FHIT: variants seen among roughly 807,000 people sequenced by gnomAD.
FHIT encodes the protein bis(5'-adenosyl)-triphosphatase.
FHIT carries 19 observed loss-of-function variants against 17.9 expected under a neutral mutation model. The observed-to-expected ratio is 1.06, with a 90% CI of 0.74 to 1.56. The LOEUF (loss-of-function observed/expected upper bound fraction) is 1.56, where lower values mean the gene tolerates loss of function less well. Among genes scored for constraint, FHIT ranks in the 40% most tolerant of loss-of-function variants. The pLI is 0.00. For synonymous variants in FHIT, 81 were observed against 69.7 expected (o/e 1.16, Z -0.81); for missense variants, 248 against 189.2 (o/e 1.31, Z -1.82).
intron 5 of FHIT, among the ~76,000 whole-genome samples, chr3:60,370,074 G>A (rs888335955): frequency 3.9e-5 from 6 of 152,158 alleles, no homozygotes; most frequent in Admixed American, 2.6e-4. Flanking sequence ...GCCTATGTCC[G>A]AGAGCTTTGA....
At chr3:60,825,611 G>T (rs1702083553) in intron 3 of FHIT, among the ~76,000 whole-genome samples, 1 of 152,040 alleles carries the variant, frequency 6.6e-6, no homozygotes. Context: ...AGGGACATTA[G>T]GTTCTCATAG....
intron 5 of FHIT, among the ~76,000 whole-genome samples, chr3:60,397,096 A>C (rs1185377964): frequency 6.6e-6 from 1 of 152,226 alleles, no homozygotes; most frequent in Non-Finnish European, 1.5e-5. Flanking sequence ...AATGTATTAT[A>C]CAGATAAGCA....
intron 5 of FHIT, among the ~76,000 whole-genome samples, chr3:60,499,977 C>T (rs975874169): frequency 2.0e-5 from 3 of 152,174 alleles, no homozygotes; most frequent in African/African-American, 7.2e-5. Flanking sequence ...TAAACCTCTG[C>T]ACACAAGAAT....
intron 8 of FHIT, among the ~76,000 whole-genome samples, chr3:59,905,000 G>C (rs937833218): frequency 2.0e-5 from 3 of 152,242 alleles, no homozygotes; most frequent in African/African-American, 2.4e-5. Flanking sequence ...TCAGAGGAGA[G>C]CTTACCAAAC....
Position 60,270,768 on chromosome 3 carries a change from G to A in FHIT, c.104-256616C>T, listed in dbSNP as rs528368196. Among the ~76,000 whole-genome samples, 9 of 152,286 alleles carry A rather than the reference G, an allele frequency of 5.9e-5. No homozygotes were observed. The South Asian group carries it at 1.5e-3, about 25-fold the overall frequency. On this transcript the variant is annotated intron_variant, in intron 5 of 9. Coordinates refer to ENST00000492590, the MANE Select transcript of FHIT (RefSeq NM_002012.4). ...TCCAAGTGTGAAAGAGGGATGGGGCGAAGAAGGTAATGGCAAAAAGAGAAA... is the reference window on the plus strand; with the variant it reads ...TCCAAGTGTGAAAGAGGGATGGGGCAAAGAAGGTAATGGCAAAAAGAGAAA...
At chr3:59,823,131 G>A (rs1006075970) in intron 8 of FHIT, among the ~76,000 whole-genome samples, 2 of 152,036 alleles carry the variant, frequency 1.3e-5, no homozygotes, top group African/African-American at 4.8e-5. Flanking sequence ...TTATTTCTTG[G>A]TTCACTATTC....
chr3:61,120,502 T>G (rs7626576), intron 2 of FHIT, among the ~76,000 whole-genome samples: 65,907 of 151,966 alleles, frequency 0.43, 16,007 homozygotes, highest in Non-Finnish European at 0.55. Flanking sequence ...AATCACAGGT[T>G]GGAGTGTACA....
At chr3:60,718,437 C>T (rs969756061) in intron 4 of FHIT, among the ~76,000 whole-genome samples, 1 of 152,152 alleles carries the variant, frequency 6.6e-6, no homozygotes, top group Non-Finnish European at 1.5e-5. Context: ...TTCCAGACAA[C>T]AGGAAAACAT....
Position 60,441,757 on chromosome 3 carries a change from A to AT in FHIT, c.103+95102_103+95103insA, listed in dbSNP as rs1336572305. 0.016 allele frequency among the ~76,000 whole-genome samples: 867 copies of AT among 55,748 alleles called. 86 individuals are homozygous for AT. The East Asian group carries it at 0.16, about 10-fold the overall frequency. 36.6% of individuals were successfully genotyped at this position (55,748 alleles called of 152,430 possible). On this transcript the variant is annotated intron_variant, in intron 5 of 9. Transcript: ENST00000492590. The stretch of plus-strand genomic sequence containing the variant: ...ATATATATATATTTATATATATAAA[A>AT]ATATATATATATTTATATGTATAAA...
At chr3:60,372,441 G>C (rs1700367314) in intron 5 of FHIT, among the ~76,000 whole-genome samples, 1 of 152,158 alleles carries the variant, frequency 6.6e-6, no homozygotes, top group African/African-American at 2.4e-5. Context: ...CAGAGTTAAT[G>C]TCATGAGTCT....
At chr3:60,121,523 C>G (rs530223541) in intron 5 of FHIT, among the ~76,000 whole-genome samples, 1 of 151,778 alleles carries the variant, frequency 6.6e-6, no homozygotes, top group Non-Finnish European at 1.5e-5. Flanking sequence ...CCATCTCTAC[C>G]AAACATAAAA....
chr3:60,315,484 T>C (rs1309925274), intron 5 of FHIT, among the ~76,000 whole-genome samples: 1 of 152,154 alleles, frequency 6.6e-6, no homozygotes, highest in East Asian at 1.9e-4. Context: ...ACCAGTATCC[T>C]AGCTTCTATT....
At chr3:59,819,679 A>G (rs1294317576) in intron 8 of FHIT, among the ~76,000 whole-genome samples, 1 of 152,254 alleles carries the variant, frequency 6.6e-6, no homozygotes, top group African/African-American at 2.4e-5. Flanking sequence ...TGTTACCATC[A>G]TTATACAAAT....
intron 5 of FHIT, among the ~76,000 whole-genome samples, chr3:60,441,781 A>AATATATATATATATTTTTATATATAT (rs1553772875): frequency 4.1e-5 from 1 of 24,526 alleles, no homozygotes; most frequent in East Asian, 4.5e-3. Context: ...TATATGTATA[A>AATATATATATATATTTTTATATATAT]AAATATATAT....
chr3:60,452,891 C>A (rs1435506195), intron 5 of FHIT, among the ~76,000 whole-genome samples: 1 of 152,054 alleles, frequency 6.6e-6, no homozygotes, highest in Non-Finnish European at 1.5e-5. Flanking sequence ...GTGTCTTCAA[C>A]AATGAAATAT....
At chr3:59,795,518 A>C (rs1224281677) in intron 8 of FHIT, among the ~76,000 whole-genome samples, 1 of 152,078 alleles carries the variant, frequency 6.6e-6, no homozygotes, top group Non-Finnish European at 1.5e-5. Context: ...ATAAGGATTT[A>C]GGTAAGACAG....
intron 5 of FHIT, among the ~76,000 whole-genome samples, chr3:60,138,456 G>T (rs947728704): frequency 6.6e-6 from 1 of 152,144 alleles, no homozygotes; most frequent in Non-Finnish European, 1.5e-5. Context: ...CCTGTAGACA[G>T]AAATTTTCTC....
intron 8 of FHIT, among the ~76,000 whole-genome samples, chr3:59,904,032 T>C (rs1281621955): frequency 1.3e-5 from 2 of 151,410 alleles, no homozygotes; most frequent in African/African-American, 4.9e-5. Context: ...AGAATGGAAA[T>C]AGGAAAGAAA....
At chr3:60,345,499 T>C (rs1440029104) in intron 5 of FHIT, among the ~76,000 whole-genome samples, 1 of 152,230 alleles carries the variant, frequency 6.6e-6, no homozygotes, top group Non-Finnish European at 1.5e-5. Flanking sequence ...TCCTTGCTTT[T>C]CAAGCTCACA....
Sources: gnomAD v4.1 joint callset for allele counts (sites outside exome capture counted in the v4.1 genomes callset) on GRCh38, gnomAD v4.1.1 for gene constraint, MANE v1.5 for transcripts, NCBI Gene and HGNC (gene_info 2026-07-23, HGNC 2026-07-21) for gene names.